Variants in DDHD1 observed in about 807,000 individuals in gnomAD.
DDHD1 encodes phospholipase DDHD1.
DDHD1 carries 49 observed loss-of-function variants against 96.4 expected under a neutral mutation model. The observed-to-expected ratio is 0.51, with a 90% CI of 0.40 to 0.64. The LOEUF (loss-of-function observed/expected upper bound fraction) is 0.64, where lower values mean the gene tolerates loss of function less well. Among genes scored for constraint, DDHD1 ranks in the 30% least tolerant of loss-of-function variants. The pLI, the probability that DDHD1 is intolerant of heterozygous loss-of-function variation, is 0.00. For synonymous variants in DDHD1, 442 were observed against 446.5 expected (o/e 0.99, Z 0.13); for missense variants, 1,106 against 1,161.2 (o/e 0.95, Z 0.69).
intron 5 of DDHD1, 30 bp downstream of exon 5, chr14:53,073,711 C>G: frequency 1.3e-6 from 2 of 1,567,118 alleles, no homozygotes; most frequent in South Asian, 2.4e-5. Flanking sequence ...TTGCCATTGG[C>G]TAAATCATTC....
rs1342131165 is a variant in DDHD1, at chr14:53,039,055, ATTAT to A, written c.*7709_*7712del. The A allele has an allele frequency of 6.6e-6, 1 of 152,206 alleles. No individual in the cohort carries two copies. Among genetic ancestry groups the A allele is most frequent in the Admixed American group, 6.5e-5 (1 of 15,282 alleles). 9.4% of individuals were successfully genotyped at this position (152,206 alleles called of 1,614,324 possible). On this transcript the variant is annotated 3_prime_UTR_variant, in exon 13 of 13. Transcript: ENST00000673822. Reference sequence around the variant, plus strand: ...TGTGGAGGTAATTTTTTGTCAAATGATTATTAATTTGAACTCTTTTGGATCCAAG... The same window carrying A: ...TGTGGAGGTAATTTTTTGTCAAATGATAATTTGAACTCTTTTGGATCCAAG...
At chr14:53,152,131 A>C in intron 1 of DDHD1, 130 bp downstream of exon 1, 1 of 902,224 alleles carries the variant, frequency 1.1e-6, no homozygotes. Context: ...CTCAATCTCC[A>C]TCCTGCCCCA....
chr14:53,139,575 G>T (rs561495189), intron 1 of DDHD1, among the ~76,000 whole-genome samples: 1 of 151,990 alleles, frequency 6.6e-6, no homozygotes, highest in African/African-American at 2.4e-5. Flanking sequence ...AACGTCTAGC[G>T]AAATACAAGG....
intron 4 of DDHD1, among the ~76,000 whole-genome samples, chr14:53,089,559 TG>T (rs1337717805): frequency 6.6e-6 from 1 of 152,084 alleles, no homozygotes. Flanking sequence ...AAACAAGAAA[TG>T]GGGAAAGGAT....
intron 4 of DDHD1, among the ~76,000 whole-genome samples, chr14:53,086,448 G>A (rs996347346): frequency 1.2e-4 from 19 of 152,306 alleles, no homozygotes; most frequent in Non-Finnish European, 2.5e-4. Flanking sequence ...ACTAATGGCG[G>A]ATCTCTCGGC....
chr14:53,143,441 G>A (rs1890773168), intron 1 of DDHD1, among the ~76,000 whole-genome samples: 1 of 152,120 alleles, frequency 6.6e-6, no homozygotes, highest in African/African-American at 2.4e-5. Context: ...TGCAGAAAGG[G>A]TACACTTGCC....
At position 53,037,290 on chromosome 14, in the gene DDHD1, T is replaced by G. The variant is rs1315144362; in HGVS notation, c.*9478A>C. ...TTGGGAAATAAACCCATATGCTGGG[T>G]TGAATGGTAGATCTGTTTTAAGTTA... On this transcript the variant is annotated 3_prime_UTR_variant, in exon 13 of 13. Coordinates refer to ENST00000673822, the MANE Select transcript of DDHD1 (RefSeq NM_001160148.2). The G allele has an allele frequency of 6.6e-6, 1 of 152,262 alleles. No individual in the cohort carries two copies. Among genetic ancestry groups the G allele is most frequent in the African/African-American group, 2.4e-5 (1 of 41,566 alleles). The allele number at this position is 152,262 out of a possible 1,614,324, so 9.4% of individuals were successfully genotyped here.
At position 53,117,526 on chromosome 14, in the gene DDHD1, G is replaced by A. The variant is rs1028917065; in HGVS notation, c.839-13670C>T. ...CTGGTTTGGCAGGTCCCACACCCAC[G>A]GAGCCTTGCTCACTGCTAGCGCAAC... On this transcript the variant is annotated intron_variant, in intron 1 of 12. Coordinates refer to ENST00000673822, the MANE Select transcript of DDHD1 (RefSeq NM_001160148.2). Among the ~76,000 whole-genome samples the A allele has an allele frequency of 4.6e-5, 7 of 152,286 alleles. No homozygotes were observed. The East Asian group carries it at 7.7e-4, about 17-fold the overall frequency.
chr14:53,075,969 G>C (rs992373278), intron 4 of DDHD1, among the ~76,000 whole-genome samples: 1 of 152,046 alleles, frequency 6.6e-6, no homozygotes, highest in Admixed American at 6.5e-5. Context: ...AATGGTTACT[G>C]CCCGCTGACA....
intron 2 of DDHD1, among the ~76,000 whole-genome samples, chr14:53,099,000 G>A (rs777867298): frequency 1.3e-5 from 2 of 151,880 alleles, no homozygotes; most frequent in Non-Finnish European, 2.9e-5. Context: ...TTATTGATAT[G>A]GGTGAATAGG....
At chr14:53,105,591 C>A (rs113401877) in intron 1 of DDHD1, among the ~76,000 whole-genome samples, 1,857 of 152,228 alleles carry the variant, frequency 0.012, 45 homozygotes, top group African/African-American at 0.043. Context: ...CTTTGTTCAG[C>A]AAAATGGAAA....
intron 1 of DDHD1, among the ~76,000 whole-genome samples, chr14:53,130,164 T>C (rs1481996357): frequency 6.6e-6 from 1 of 152,040 alleles, no homozygotes; most frequent in African/African-American, 2.4e-5. Flanking sequence ...CACCCTATAA[T>C]CTTTCTATCA....
chr14:53,094,295 T>A (rs1886688174), intron 2 of DDHD1, among the ~76,000 whole-genome samples: 1 of 152,182 alleles, frequency 6.6e-6, no homozygotes. Context: ...ATTTTTGGAA[T>A]GGATAGTAAA....
intron 1 of DDHD1, among the ~76,000 whole-genome samples, chr14:53,112,722 T>C (rs1341364133): frequency 2.0e-5 from 3 of 152,216 alleles, no homozygotes; most frequent in African/African-American, 7.2e-5. Context: ...ACATGTGGAA[T>C]AGTCTTTACA....
At chr14:53,123,233 G>A (rs1566587120) in intron 1 of DDHD1, among the ~76,000 whole-genome samples, 1 of 151,000 alleles carries the variant, frequency 6.6e-6, no homozygotes, top group Admixed American at 6.6e-5. Context: ...TGCAACCTCC[G>A]CCTCCAGAGT....
chr14:53,105,813 C>G (rs1329684321), intron 1 of DDHD1, among the ~76,000 whole-genome samples: 3 of 152,054 alleles, frequency 2.0e-5, no homozygotes, highest in African/African-American at 7.2e-5. Flanking sequence ...TCAACTCTAT[C>G]TTTATAGTTA....
intron 8 of DDHD1, among the ~76,000 whole-genome samples, chr14:53,060,599 C>G (rs993751164): frequency 6.6e-6 from 1 of 152,120 alleles, no homozygotes; most frequent in Non-Finnish European, 1.5e-5. Context: ...TTTTTCTCAC[C>G]ACTGACCAAC....
At chr14:53,086,228 T>G (rs1020774455) in intron 4 of DDHD1, among the ~76,000 whole-genome samples, 26 of 152,154 alleles carry the variant, frequency 1.7e-4, no homozygotes, top group African/African-American at 6.0e-4. Flanking sequence ...AAAACACTCT[T>G]TAGGATATTA....
chr14:53,146,673 T>A (rs185320829), intron 1 of DDHD1, among the ~76,000 whole-genome samples: 1 of 152,342 alleles, frequency 6.6e-6, no homozygotes, highest in Admixed American at 6.5e-5. Context: ...ATTTCACTTG[T>A]CTCCTAATCT....
Sources: gnomAD v4.1 joint callset for allele counts (sites outside exome capture counted in the v4.1 genomes callset) on GRCh38, gnomAD v4.1.1 for gene constraint, MANE v1.5 for transcripts, NCBI Gene and HGNC (gene_info 2026-07-23, HGNC 2026-07-21) for gene names.